Variants in OR56B4 observed in about 807,000 individuals in gnomAD.
The protein encoded by OR56B4 is olfactory receptor family 56 subfamily B member 4, also known as olfactory receptor 56B4.
For missense variants in OR56B4, 447 were observed against 384.6 expected, an observed-to-expected ratio of 1.16 and a Z score of -1.36; for synonymous variants, 142 against 149.5, an observed-to-expected ratio of 0.95 and a Z score of 0.37.
chr11:6,108,643 C>A lies in OR56B4; in HGVS notation c.865C>A (p.Pro289Thr), dbSNP rs778140084. 2.0e-5 allele frequency: 33 copies of A among 1,613,986 alleles called. No individual in the cohort carries two copies. The Admixed American group carries it at 4.7e-4, about 23-fold the overall frequency. The change falls in exon 1 of 1, where the codon CCT (proline) becomes ACT (threonine). Residue 289 changes from proline (P) to threonine (T), a missense_variant. Transcript: ENST00000316529. ...TAATGTGCTGCACAATGTCATCCCC[C>A]CTGCACTCAACCCCCTGGCCTGTGC... ...FLNVLHNVIP[P>T]ALNPLACALR...
In OR56B4 at chr11:6,108,791, C is replaced by G; in HGVS notation, c.*53C>G. ...TTAGGAAATGACAGAGGTTTTAGTT[C>G]TCAATAGATCAGGGTTATAATCTGC... On this transcript the variant is annotated 3_prime_UTR_variant, in exon 1 of 1. Transcript: ENST00000316529. 1.3e-6 allele frequency: 2 copies of G among 1,561,980 alleles called. No individual in the cohort carries two copies. Among genetic ancestry groups the G allele is most frequent in the Admixed American group, 3.4e-5 (2 of 58,006 alleles).
Position 6,108,367 on chromosome 11 carries a change from G to A in OR56B4, c.589G>A (p.Asp197Asn), listed in dbSNP as rs536206602. The change falls in exon 1 of 1, where the codon GAC becomes AAC. Residue 197 changes from aspartate to asparagine, a missense_variant. Coordinates refer to ENST00000316529, the MANE Select transcript of OR56B4 (RefSeq NM_001005181.2). ...NLGVISLACDDITVNKFYQLM... is the reference protein window; with the variant it reads ...NLGVISLACDNITVNKFYQLM... ...GGGGGTTATCAGCCTGGCTTGTGAT[G>A]ACATCACTGTGAACAAATTTTACCA... The A allele has an allele frequency of 6.2e-7, 1 of 1,614,168 alleles. No homozygotes were observed. Among genetic ancestry groups the A allele is most frequent in the Admixed American group, 1.7e-5 (1 of 60,016 alleles).
At position 6,107,726 on chromosome 11, in the gene OR56B4, A is replaced by T. The variant is rs954473777; in HGVS notation, c.-53A>T. ...TGCTCAGCCCCTTAGCTGAACTTTT[A>T]AACAGAGATTTCTTCTATTTCAGAC... On this transcript the variant is annotated 5_prime_UTR_variant, in exon 1 of 1. Coordinates refer to ENST00000316529, the MANE Select transcript of OR56B4 (RefSeq NM_001005181.2). The T allele has an allele frequency of 1.7e-5, 26 of 1,550,318 alleles. No individual in the cohort carries two copies. Among genetic ancestry groups the T allele is most frequent in the African/African-American group, 4.1e-5 (3 of 73,278 alleles).
rs766387327 is a variant in OR56B4 at position 6,108,745 on chromosome 11, C to G, written c.*7C>G. The G allele has an allele frequency of 6.2e-7, 1 of 1,612,098 alleles. No individual in the cohort carries two copies. The highest frequency in any genetic ancestry group is 8.5e-7 in the Non-Finnish European group (1 of 1,178,542). On this transcript the variant is annotated 3_prime_UTR_variant, in exon 1 of 1. Coordinates refer to ENST00000316529, the MANE Select transcript of OR56B4 (RefSeq NM_001005181.2). ...TCAGGACGTGTCCAAGTAACTCCAG[C>G]TTTAGGAATCCAGTAAGATGTTAGG...
In OR56B4 at chr11:6,108,025, A is replaced by T. The variant is rs760590800; in HGVS notation, c.247A>T (p.Ile83Phe). The stretch of plus-strand genomic sequence containing the variant: ...GGTGGACATTGGCCTGGCCACCACC[A>T]TCATGCCCAAGATCCTGGCCATCTT... ...AVVDIGLATT[I>F]MPKILAIFWF... is the part of the protein sequence containing the mutation. The change falls in exon 1 of 1, where the codon ATC (isoleucine) becomes TTC (phenylalanine). Residue 83 changes from isoleucine to phenylalanine, a missense_variant. Transcript: ENST00000316529. 1 of 1,614,194 alleles carries T rather than the reference A, an allele frequency of 6.2e-7. No homozygotes were observed. Among genetic ancestry groups the T allele is most frequent in the East Asian group, 2.2e-5 (1 of 44,876 alleles).
rs1849023231 is a variant in OR56B4 at position 6,107,969 on chromosome 11, C to T, written c.191C>T (p.Pro64Leu). The change falls in exon 1 of 1, where the codon CCC becomes CTC. Residue 64 changes from proline to leucine, a missense_variant. Pro to Leu is a moderately conservative substitution (Grantham distance 98). Transcript: ENST00000316529. ...CAACATGAGACCGTGCTACATGAACCCATGTACCATTTGCTGGGCATATTA... is the reference window on the plus strand; with the variant it reads ...CAACATGAGACCGTGCTACATGAACTCATGTACCATTTGCTGGGCATATTA... ...TIQHETVLHE[P>L]MYHLLGILAV... 1 of 1,613,372 alleles carries T rather than the reference C, an allele frequency of 6.2e-7. No individual in the cohort carries two copies. Among genetic ancestry groups the T allele is most frequent in the East Asian group, 2.2e-5 (1 of 44,880 alleles).
chr11:6,108,346 G>T lies in OR56B4; in HGVS notation c.568G>T (p.Val190Phe), dbSNP rs1264964197. Residue 190 changes from valine (V) to phenylalanine (F), a missense_variant, in exon 1 of 1, where the codon GTT (valine) becomes TTT (phenylalanine). Transcript: ENST00000316529. The part of the protein sequence containing the change: ...IEHCLCSNLG[V>F]ISLACDDITV... ...GCACTGCCTCTGCTCTAACTTGGGG[G>T]TTATCAGCCTGGCTTGTGATGACAT... is the stretch of plus-strand genomic sequence containing the variant. 6.2e-7 allele frequency: 1 copy of T among 1,614,180 alleles called. No homozygotes were observed. The highest frequency in any genetic ancestry group is 1.1e-5 in the South Asian group (1 of 91,080).
Position 6,108,593 on chromosome 11 carries a change from A to G in OR56B4, c.815A>G (p.Lys272Arg). The stretch of plus-strand genomic sequence containing the variant: ...TCTGTCACACACCTTGCAGAGAAAA[A>G]GATTCCCCTTATTCCTGTGTTCCTT... ...VLSVTHLAEK[K>R]IPLIPVFLNV... The change falls in exon 1 of 1, where the codon AAG becomes AGG. Residue 272 changes from lysine (K) to arginine (R), a missense_variant. Transcript: ENST00000316529. The G allele has an allele frequency of 1.2e-6, 2 of 1,614,090 alleles. No individual in the cohort carries two copies. The highest frequency in any genetic ancestry group is 1.7e-6 in the Non-Finnish European group (2 of 1,179,998).
Position 6,107,920 on chromosome 11 carries a change from A to G in OR56B4, c.142A>G (p.Asn48Asp), listed in dbSNP as rs1564832116. ...GCTCTACCTCTTAGCTCTTGGTGCCAATCTCCTCATCATAATCACCATTCA... is the reference window on the plus strand; with the variant it reads ...GCTCTACCTCTTAGCTCTTGGTGCCGATCTCCTCATCATAATCACCATTCA... ...TLLYLLALGA[N>D]LLIIITIQHE... The change falls in exon 1 of 1, where the codon AAT becomes GAT. Residue 48 changes from asparagine (N) to aspartate (D), a missense_variant. Asn to Asp is a conservative substitution (Grantham distance 23). Coordinates refer to ENST00000316529, the MANE Select transcript of OR56B4 (RefSeq NM_001005181.2). 6.2e-7 allele frequency: 1 copy of G among 1,613,900 alleles called. No homozygotes were observed. The highest frequency in any genetic ancestry group is 8.5e-7 in the Non-Finnish European group (1 of 1,179,992).
At position 6,107,696 on chromosome 11, in the gene OR56B4, C is replaced by T; in HGVS notation, c.-83C>T. On this transcript the variant is annotated 5_prime_UTR_variant, in exon 1 of 1. Coordinates refer to ENST00000316529, the MANE Select transcript of OR56B4 (RefSeq NM_001005181.2). ...AAGTGCTGGGATTACAGGCATGAACCACGATGCTCAGCCCCTTAGCTGAAC... is the reference window on the plus strand; with the variant it reads ...AAGTGCTGGGATTACAGGCATGAACTACGATGCTCAGCCCCTTAGCTGAAC... 7.3e-7 allele frequency: 1 copy of T among 1,366,754 alleles called. No individual in the cohort carries two copies. 84.7% of individuals were successfully genotyped at this position (1,366,754 alleles called of 1,614,324 possible). A position where few individuals can be genotyped will look rare whatever the true frequency, so the allele number is the denominator to read the frequency against.
chr11:6,108,036 G>A lies in OR56B4; in HGVS notation c.258G>A (p.Lys86=). 1 of 1,614,172 alleles carries A rather than the reference G, an allele frequency of 6.2e-7. No individual in the cohort carries two copies. Among genetic ancestry groups the A allele is most frequent in the Non-Finnish European group, 8.5e-7 (1 of 1,180,032 alleles). ...DIGLATTIMP[K]ILAIFWFDAK... ...GCCTGGCCACCACCATCATGCCCAA[G>A]ATCCTGGCCATCTTCTGGTTTGATG... The change falls in exon 1 of 1, where the codon AAG becomes AAA. Residue 86 remains lysine (K), a synonymous_variant. Transcript: ENST00000316529.
chr11:6,108,716 T>TG lies in OR56B4; in HGVS notation c.941dup (p.Gln315SerfsTer14). 3.1e-6 allele frequency: 5 copies of TG among 1,614,070 alleles called. No individual in the cohort carries two copies. Among genetic ancestry groups the TG allele is most frequent in the Non-Finnish European group, 4.2e-6 (5 of 1,179,964 alleles). On this transcript the variant is annotated frameshift_variant, in exon 1 of 1. Transcript: ENST00000316529. LOFTEE classifies it high-confidence loss of function. ...CTGGGCTTTCAGAGACTGCTTGGAC[T>TG]GGGTCAGGACGTGTCCAAGTAACTC...
At position 6,108,505 on chromosome 11, in the gene OR56B4, G is replaced by T. The variant is rs368172624; in HGVS notation, c.727G>T (p.Ala243Ser). Residue 243 changes from alanine to serine, a missense_variant, in exon 1 of 1, where the codon GCT becomes TCT. Ala to Ser is a moderately conservative substitution (Grantham distance 99). Transcript: ENST00000316529. Reference protein sequence around the residue: ...RLNSAEAMSKALSTCSSHLIL... With the variant: ...RLNSAEAMSKSLSTCSSHLIL... ...GAACTCAGCAGAAGCAATGTCCAAG[G>T]CTCTGAGCACTTGTAGCTCCCACCT... The T allele has an allele frequency of 1.9e-6, 3 of 1,614,018 alleles. No individual in the cohort carries two copies. Among genetic ancestry groups the T allele is most frequent in the Admixed American group, 1.7e-5 (1 of 59,996 alleles).
Position 6,108,039 on chromosome 11 carries a change from C to A in OR56B4, c.261C>A (p.Ile87=), listed in dbSNP as rs776721593. Residue 87 remains isoleucine (I), a synonymous_variant, in exon 1 of 1, where the codon ATC becomes ATA. Coordinates refer to ENST00000316529, the MANE Select transcript of OR56B4 (RefSeq NM_001005181.2). Reference sequence around the variant, plus strand: ...TGGCCACCACCATCATGCCCAAGATCCTGGCCATCTTCTGGTTTGATGCCA... The same window carrying A: ...TGGCCACCACCATCATGCCCAAGATACTGGCCATCTTCTGGTTTGATGCCA... ...IGLATTIMPK[I]LAIFWFDAKA... 119 of 1,614,088 alleles carry A rather than the reference C, an allele frequency of 7.4e-5. No individual in the cohort carries two copies. Among genetic ancestry groups the A allele is most frequent in the Non-Finnish European group, 8.9e-5 (105 of 1,180,036 alleles).
chr11:6,108,654 C>G lies in OR56B4; in HGVS notation c.876C>G (p.Asn292Lys), dbSNP rs760214067. 5.0e-6 allele frequency: 8 copies of G among 1,614,066 alleles called. No individual in the cohort carries two copies. Among genetic ancestry groups the G allele is most frequent in the Admixed American group, 3.3e-5 (2 of 60,016 alleles). The change falls in exon 1 of 1, where the codon AAC becomes AAG. Residue 292 changes from asparagine to lysine, a missense_variant. By Grantham distance (94) the Asn-to-Lys change is moderately conservative. Coordinates refer to ENST00000316529, the MANE Select transcript of OR56B4 (RefSeq NM_001005181.2). ...ACAATGTCATCCCCCCTGCACTCAACCCCCTGGCCTGTGCACTCAGGATGC... is the reference window on the plus strand; with the variant it reads ...ACAATGTCATCCCCCCTGCACTCAAGCCCCTGGCCTGTGCACTCAGGATGC... ...VLHNVIPPAL[N>K]PLACALRMHK...
rs778140084 is a variant in OR56B4 at position 6,108,643 on chromosome 11, C to G, written c.865C>G (p.Pro289Ala). The part of the protein sequence containing the change: ...FLNVLHNVIP[P>A]ALNPLACALR... ...TAATGTGCTGCACAATGTCATCCCC[C>G]CTGCACTCAACCCCCTGGCCTGTGC... The change falls in exon 1 of 1, where the codon CCT (proline) becomes GCT (alanine). Residue 289 changes from proline (P) to alanine (A), a missense_variant. Physicochemically the swap from Pro to Ala is conservative, Grantham distance 27 (BLOSUM62 -1). Coordinates refer to ENST00000316529, the MANE Select transcript of OR56B4 (RefSeq NM_001005181.2). 8.7e-6 allele frequency: 14 copies of G among 1,613,986 alleles called. No individual in the cohort carries two copies. The East Asian group carries it at 1.3e-4, about 15-fold the overall frequency.
Position 6,108,681 on chromosome 11 carries a change from C to T in OR56B4, c.903C>T (p.His301=), listed in dbSNP as rs138861608. The T allele has an allele frequency of 7.2e-4, 1,169 of 1,614,078 alleles. 3 individuals are homozygous for T. In the Middle Eastern group the frequency reaches 0.013, roughly 18 times the overall value. ...CCCTGGCCTGTGCACTCAGGATGCA[C>T]AAACTCAGACTGGGCTTTCAGAGAC... ...LNPLACALRM[H]KLRLGFQRLL... The change falls in exon 1 of 1, where the codon CAC becomes CAT. Residue 301 remains histidine (H), a synonymous_variant. Coordinates refer to ENST00000316529, the MANE Select transcript of OR56B4 (RefSeq NM_001005181.2).
rs766151945 is a variant in OR56B4, at chr11:6,108,402, A to AG, written c.625dup (p.Ala209GlyfsTer8). 8 of 1,614,136 alleles carry AG rather than the reference A, an allele frequency of 5.0e-6. No individual in the cohort carries two copies. The highest frequency in any genetic ancestry group is 5.9e-6 in the Non-Finnish European group (7 of 1,180,020). ...TGAACAAATTTTACCAACTGATGCT[A>AG]GCATGGGTCTTGGTTGGGAGTGATA... On this transcript the variant is annotated frameshift_variant, in exon 1 of 1. Coordinates refer to ENST00000316529, the MANE Select transcript of OR56B4 (RefSeq NM_001005181.2). LOFTEE classifies it low-confidence loss of function (END_TRUNC).
Position 6,108,640 on chromosome 11 carries a change from C to A in OR56B4, c.862C>A (p.Pro288Thr). The change falls in exon 1 of 1, where the codon CCC becomes ACC. Residue 288 changes from proline to threonine, a missense_variant. By Grantham distance (38) the Pro-to-Thr change is conservative (BLOSUM62 -1). Transcript: ENST00000316529. ...CCTTAATGTGCTGCACAATGTCATC[C>A]CCCCTGCACTCAACCCCCTGGCCTG... ...VFLNVLHNVIPPALNPLACAL... is the reference protein window; with the variant it reads ...VFLNVLHNVITPALNPLACAL... The A allele has an allele frequency of 1.2e-6, 2 of 1,614,056 alleles. No individual in the cohort carries two copies. The highest frequency in any genetic ancestry group is 1.7e-6 in the Non-Finnish European group (2 of 1,179,964).
Sources: gnomAD v4.1 joint callset for allele counts on GRCh38, gnomAD v4.1.1 for gene constraint, MANE v1.5 for transcripts, NCBI Gene and HGNC (gene_info 2026-07-23, HGNC 2026-07-21) for gene names.